The following PEBP4 variants were observed in gnomAD, a reference collection of about 807,000 sequenced individuals.
PEBP4 encodes the protein phosphatidylethanolamine-binding protein 4.
A neutral mutation model predicts 23.9 loss-of-function variants in PEBP4; 22 were observed. That is an observed-to-expected ratio of 0.92 (90% CI 0.66 to 1.31). The LOEUF is 1.31. Among genes scored for constraint, PEBP4 ranks in the 40% most tolerant of loss-of-function variants. The pLI, the probability that PEBP4 is intolerant of heterozygous loss-of-function variation, is 0.00. For synonymous variants in PEBP4, 112 were observed against 99.3 expected, an observed-to-expected ratio of 1.13 and a Z score of -0.76; for missense variants, 324 against 281.7, an observed-to-expected ratio of 1.15 and a Z score of -1.07.
intron 6 of PEBP4, among the ~76,000 whole-genome samples, chr8:22,720,933 C>T (rs918260246): frequency 1.3e-5 from 2 of 152,158 alleles, no homozygotes; most frequent in African/African-American, 2.4e-5. Flanking sequence ...ATCAGCTGAG[C>T]GAATGCAGAA....
At chr8:22,835,888 C>T (rs191558352) in intron 3 of PEBP4, among the ~76,000 whole-genome samples, 1 of 152,386 alleles carries the variant, frequency 6.6e-6, no homozygotes, top group Admixed American at 6.5e-5. Context: ...GTCCCAGTTT[C>T]TTCACTAATT....
intron 4 of PEBP4, among the ~76,000 whole-genome samples, chr8:22,783,963 C>A (rs560110846): frequency 6.7e-6 from 1 of 150,228 alleles, no homozygotes; most frequent in Admixed American, 6.6e-5. Context: ...TCCTGCCCAC[C>A]AGGAGGGGAA....
intron 3 of PEBP4, among the ~76,000 whole-genome samples, chr8:22,914,047 G>A (rs1809012661): frequency 1.3e-5 from 2 of 150,744 alleles, no homozygotes; most frequent in East Asian, 3.9e-4. Flanking sequence ...GAGTATAGTG[G>A]CGCGATCTAG....
intron 4 of PEBP4, among the ~76,000 whole-genome samples, chr8:22,743,525 C>T (rs1430045109): frequency 2.0e-5 from 3 of 152,214 alleles, no homozygotes; most frequent in African/African-American, 7.2e-5. Context: ...CAGCCCCAGA[C>T]CACAGCTGTT....
chr8:22,794,565 G>A (rs1225299544), intron 4 of PEBP4, among the ~76,000 whole-genome samples: 2 of 152,148 alleles, frequency 1.3e-5, no homozygotes, highest in African/African-American at 2.4e-5. Context: ...GATGACAAGC[G>A]TGAGCCACCA....
chr8:22,728,634 G>T (rs1804673723), intron 4 of PEBP4, among the ~76,000 whole-genome samples: 1 of 127,160 alleles, frequency 7.9e-6, no homozygotes, highest in Non-Finnish European at 1.5e-5. Flanking sequence ...GTCTCGCTCT[G>T]TCATCCAGGC....
chr8:22,743,996 G>C (rs1386386618), intron 4 of PEBP4, among the ~76,000 whole-genome samples: 1 of 152,244 alleles, frequency 6.6e-6, no homozygotes, highest in Non-Finnish European at 1.5e-5. Context: ...CAGCCTGGGG[G>C]TTGTGGCTGC....
chr8:22,807,303 G>C (rs774884447), intron 4 of PEBP4, among the ~76,000 whole-genome samples: 1 of 152,196 alleles, frequency 6.6e-6, no homozygotes, highest in Non-Finnish European at 1.5e-5. Context: ...AGATCAGCAG[G>C]AGAACACGAG....
chr8:22,777,219 C>A (rs1373912124), intron 4 of PEBP4, among the ~76,000 whole-genome samples: 1 of 152,096 alleles, frequency 6.6e-6, no homozygotes, highest in African/African-American at 2.4e-5. Context: ...CCCTCAGGTC[C>A]CCCTGAGTTC....
chr8:22,821,934 G>A (rs1395624573), intron 3 of PEBP4, among the ~76,000 whole-genome samples: 7 of 148,282 alleles, frequency 4.7e-5, no homozygotes, highest in East Asian at 2.0e-4. Context: ...GTAGTGAGCC[G>A]AGATCGCGCC....
chr8:22,773,474 G>C (rs552048528), intron 4 of PEBP4, among the ~76,000 whole-genome samples: 1 of 152,254 alleles, frequency 6.6e-6, no homozygotes, highest in South Asian at 2.1e-4. Flanking sequence ...GCTGAGCCTG[G>C]AAGCCTGTGG....
chr8:22,821,941 C>G (rs1376220283), intron 3 of PEBP4, among the ~76,000 whole-genome samples: 1 of 146,678 alleles, frequency 6.8e-6, no homozygotes, highest in Non-Finnish European at 1.5e-5. Context: ...GCCGAGATCG[C>G]GCCATTGCAC....
chr8:22,736,828 T>C (rs1441361756), intron 4 of PEBP4, among the ~76,000 whole-genome samples: 1 of 152,218 alleles, frequency 6.6e-6, no homozygotes, highest in African/African-American at 2.4e-5. Flanking sequence ...ATTTCCCTGA[T>C]ATCTCAAATC....
At chr8:22,767,355 T>A (rs1458452287) in intron 4 of PEBP4, among the ~76,000 whole-genome samples, 1 of 152,108 alleles carries the variant, frequency 6.6e-6, no homozygotes, top group Non-Finnish European at 1.5e-5. Context: ...AGTGCTGTGG[T>A]TTTTGAATAA....
At chr8:22,714,363 C>G (rs1285596987) in intron 6 of PEBP4, among the ~76,000 whole-genome samples, 2 of 152,000 alleles carry the variant, frequency 1.3e-5, no homozygotes, top group Non-Finnish European at 2.9e-5. Context: ...TGTCAGGCAC[C>G]CTGGGCAGAT....
chr8:22,896,888 A>G (rs1000822361), intron 3 of PEBP4, among the ~76,000 whole-genome samples: 3 of 150,696 alleles, frequency 2.0e-5, no homozygotes, highest in Non-Finnish European at 3.0e-5. Flanking sequence ...TCTAATATAT[A>G]TAATATATAT....
rs117585892 is a variant in PEBP4, at chr8:22,864,080, A to G, written c.259-46345T>C. 2.7e-4 allele frequency among the ~76,000 whole-genome samples: 41 copies of G among 152,310 alleles called. No homozygotes were observed. In the East Asian group the frequency reaches 7.5e-3, roughly 28 times the overall value. On this transcript the variant is annotated intron_variant, in intron 3 of 6. Transcript: ENST00000256404. ...CCAGCCCCGCCTTGCTCCTGGGCACACAGAACATCTTCACCTCCAACTTCA... is the reference window on the plus strand; with the variant it reads ...CCAGCCCCGCCTTGCTCCTGGGCACGCAGAACATCTTCACCTCCAACTTCA...
intron 2 of PEBP4, among the ~76,000 whole-genome samples, chr8:22,923,644 C>T (rs1329378226): frequency 3.3e-5 from 5 of 152,076 alleles, no homozygotes; most frequent in African/African-American, 9.7e-5. Flanking sequence ...TCAGTGAGTG[C>T]TATGGTCTGA....
intron 3 of PEBP4, chr8:22,885,706 G>A (rs981140215): frequency 6.6e-6 from 1 of 152,216 alleles, no homozygotes; most frequent in South Asian, 2.1e-4. Flanking sequence ...AAGCTACTCT[G>A]CCCAAGGTCT....
Sources: allele counts gnomAD v4.1 joint callset (sites outside exome capture counted in the v4.1 genomes callset), GRCh38; gene constraint gnomAD v4.1.1; transcripts MANE v1.5; gene names NCBI Gene and HGNC (gene_info 2026-07-23, HGNC 2026-07-21).